ADAM23: variants seen among roughly 807,000 people sequenced by gnomAD.
ADAM23 encodes the protein disintegrin and metalloproteinase domain-containing protein 23.
Under a neutral mutation model 120.1 loss-of-function variants are expected in ADAM23, and 33 were observed. The observed-to-expected ratio is 0.27, with a 90% CI of 0.21 to 0.37. The LOEUF (loss-of-function observed/expected upper bound fraction) is 0.37, where lower values mean the gene tolerates loss of function less well. Among genes scored for constraint, ADAM23 ranks in the 10% least tolerant of loss-of-function variants. ADAM23 has a pLI of 1.00. For synonymous variants in ADAM23, 367 were observed against 375.2 expected (o/e 0.98, Z 0.25); for missense variants, 862 against 1,058.2 (o/e 0.81, Z 2.57).
At chr2:206,617,287 G>A (rs1402716149) in intron 25 of ADAM23, among the ~76,000 whole-genome samples, 2 of 152,138 alleles carry the variant, frequency 1.3e-5, no homozygotes, top group African/African-American at 2.4e-5. Flanking sequence ...TCTGAAATAA[G>A]AGACAAATTG....
At chr2:206,481,037 C>T (rs1267407346) in intron 2 of ADAM23, among the ~76,000 whole-genome samples, 195 bp from the exon 3 acceptor site, 1 of 152,170 alleles carries the variant, frequency 6.6e-6, no homozygotes, top group African/African-American at 2.4e-5. Context: ...CTCTTTGCTA[C>T]CCAAATATTT....
At chr2:206,446,647 C>G (rs1242603156) in intron 2 of ADAM23, among the ~76,000 whole-genome samples, 1 of 152,034 alleles carries the variant, frequency 6.6e-6, no homozygotes, top group Non-Finnish European at 1.5e-5. Flanking sequence ...TTAATTTTTA[C>G]TATTTTTTAC....
At position 206,559,859 on chromosome 2, in the gene ADAM23, C is replaced by T. The variant is rs956324582; in HGVS notation, c.1006-96C>T. 1.4e-5 allele frequency: 15 copies of T among 1,079,490 alleles called. No homozygotes were observed. In the African/African-American group the frequency reaches 2.3e-4, roughly 17 times the overall value. 66.9% of individuals were successfully genotyped at this position (1,079,490 alleles called of 1,614,324 possible). A position where few individuals can be genotyped will look rare whatever the true frequency, so the allele number is the denominator to read the frequency against. On this transcript the variant is annotated intron_variant, in intron 10 of 25. Transcript: ENST00000264377. ...TAATTATGACCCCGTGTTCTCTCAC[C>T]TCCCCCTTCCTGTCCTTCCACTGAC...
intron 13 of ADAM23, among the ~76,000 whole-genome samples, chr2:206,563,986 T>A (rs1284230763): frequency 6.6e-6 from 1 of 152,102 alleles, no homozygotes; most frequent in Non-Finnish European, 1.5e-5. Context: ...CACCTCGGCC[T>A]CCCATAGTGC....
chr2:206,476,844 A>G (rs944370609), intron 2 of ADAM23, among the ~76,000 whole-genome samples: 4 of 152,098 alleles, frequency 2.6e-5, no homozygotes, highest in Admixed American at 2.0e-4. Context: ...TTCTGGGAAA[A>G]TGTTATTTCC....
chr2:206,452,824 T>C (rs533654026), intron 2 of ADAM23, among the ~76,000 whole-genome samples: 15 of 152,130 alleles, frequency 9.9e-5, no homozygotes, highest in Admixed American at 5.2e-4. Flanking sequence ...CATCTTTGAC[T>C]CCTCCCTCTC....
chr2:206,569,741 A>T (rs1489499480), intron 15 of ADAM23, among the ~76,000 whole-genome samples: 1 of 152,192 alleles, frequency 6.6e-6, no homozygotes, highest in Non-Finnish European at 1.5e-5. Context: ...GGACTTTTCC[A>T]CAGGGGGAGT....
chr2:206,609,804 C>A, intron 24 of ADAM23, 106 bp from the exon 25 acceptor site: 1 of 871,986 alleles, frequency 1.1e-6, no homozygotes, highest in Non-Finnish European at 1.7e-6. Flanking sequence ...GTTTAGCCGT[C>A]TTTTACACAG....
chr2:206,504,490 A>T (rs1012302835), intron 3 of ADAM23, among the ~76,000 whole-genome samples: 15 of 152,312 alleles, frequency 9.8e-5, no homozygotes, highest in African/African-American at 3.6e-4. Context: ...GCCAAGTGTA[A>T]GAGACGCCCT....
At chr2:206,506,430 G>A (rs949497268) in intron 3 of ADAM23, among the ~76,000 whole-genome samples, 3 of 152,206 alleles carry the variant, frequency 2.0e-5, no homozygotes, top group Non-Finnish European at 4.4e-5. Flanking sequence ...AGTGGGCTAA[G>A]CCTTTGCTCT....
intron 2 of ADAM23, among the ~76,000 whole-genome samples, chr2:206,477,011 T>C (rs991684668): frequency 1.3e-5 from 2 of 152,184 alleles, no homozygotes; most frequent in African/African-American, 2.4e-5. Flanking sequence ...TGATTAGATA[T>C]AGAGTTATTT....
At chr2:206,505,036 A>G (rs764020856) in intron 3 of ADAM23, among the ~76,000 whole-genome samples, 1 of 152,222 alleles carries the variant, frequency 6.6e-6, no homozygotes, top group South Asian at 2.1e-4. Context: ...TTTGATTGCT[A>G]TAAGACTTCC....
At chr2:206,567,790 CA>C (rs567643120) in intron 15 of ADAM23, among the ~76,000 whole-genome samples, 93 of 152,196 alleles carry the variant, frequency 6.1e-4, no homozygotes, top group African/African-American at 1.9e-3. Context: ...AATTTATAGA[CA>C]AAAGAGTTTT....
At chr2:206,608,717 A>G (rs1698774876) in intron 24 of ADAM23, among the ~76,000 whole-genome samples, 1 of 152,046 alleles carries the variant, frequency 6.6e-6, no homozygotes, top group South Asian at 2.1e-4. Context: ...CTACCTGCCC[A>G]CCAAGCACTG....
At chr2:206,594,989 T>G in intron 23 of ADAM23, 84 bp downstream of exon 23, 6 of 1,532,386 alleles carry the variant, frequency 3.9e-6, no homozygotes, top group Non-Finnish European at 5.3e-6. Flanking sequence ...GCCATTCTCC[T>G]AGCCAACATG....
chr2:206,488,254 A>G (rs141502126), intron 3 of ADAM23, among the ~76,000 whole-genome samples: 2 of 152,216 alleles, frequency 1.3e-5, no homozygotes, highest in Admixed American at 6.5e-5. Context: ...ACACGGGGGA[A>G]TTCAGAGCTG....
Position 206,560,168 on chromosome 2 carries a change from C to T in ADAM23, c.1169+50C>T. The T allele has an allele frequency of 3.3e-6, 5 of 1,538,240 alleles. No individual in the cohort carries two copies. In the South Asian group the frequency reaches 5.0e-5, roughly 15 times the overall value. On this transcript the variant is annotated intron_variant, in intron 11 of 25. Transcript: ENST00000264377. ...TGTAGTCTTTGGTCTGACATTTATC[C>T]TTATCCCTTTTTTGGTTCAGTTAAG...
At chr2:206,461,180 A>G (rs1695410995) in intron 2 of ADAM23, among the ~76,000 whole-genome samples, 1 of 148,926 alleles carries the variant, frequency 6.7e-6, no homozygotes, top group African/African-American at 2.5e-5. Flanking sequence ...TCCTGCCTCA[A>G]CCTCCTGAGT....
At chr2:206,498,591 G>A (rs1372364064) in intron 3 of ADAM23, among the ~76,000 whole-genome samples, 4 of 152,146 alleles carry the variant, frequency 2.6e-5, no homozygotes, top group African/African-American at 7.2e-5. Context: ...AGAGGCATGG[G>A]CAAGGACTTC....
Sources: allele counts gnomAD v4.1 joint callset (sites outside exome capture counted in the v4.1 genomes callset), GRCh38; gene constraint gnomAD v4.1.1; transcripts MANE v1.5; gene names NCBI Gene and HGNC (gene_info 2026-07-23, HGNC 2026-07-21).